CTNNA1: variants seen among roughly 807,000 people sequenced by gnomAD.
CTNNA1 encodes the protein catenin alpha-1.
CTNNA1 carries 37 observed loss-of-function variants against 98.4 expected under a neutral mutation model. The observed-to-expected ratio is 0.38, with a 90% CI of 0.29 to 0.49. CTNNA1 has a LOEUF of 0.49. Among genes scored for constraint, CTNNA1 ranks in the 20% least tolerant of loss-of-function variants. The pLI is 0.95. For missense variants in CTNNA1, 761 were observed against 1,147.2 expected, an observed-to-expected ratio of 0.66 and a Z score of 4.86; for synonymous variants, 404 against 413.2, an observed-to-expected ratio of 0.98 and a Z score of 0.27.
chr5:138,812,175 T>C lies in CTNNA1; in HGVS notation c.469-8T>C, dbSNP rs771582713. On this transcript the variant is annotated splice_polypyrimidine_tract_variant and splice_region_variant and intron_variant, in intron 4 of 17. Coordinates refer to ENST00000302763, the MANE Select transcript of CTNNA1 (RefSeq NM_001903.5). ...TTTTTGGGTTTTGGGGTCTTTCTTA[T>C]TTTATAGGTGGAAGATGGTATCTTG... 4 of 1,610,484 alleles carry C rather than the reference T, an allele frequency of 2.5e-6. No individual in the cohort carries two copies. Among genetic ancestry groups the C allele is most frequent in the African/African-American group, 1.3e-5 (1 of 74,668 alleles).
At chr5:138,875,551 C>T (rs1484881227) in intron 7 of CTNNA1, 31 of 985,280 alleles carry the variant, frequency 3.1e-5, no homozygotes, top group Non-Finnish European at 3.4e-5. Flanking sequence ...TAGGAAGCAG[C>T]AGTGAGGTTG....
intron 7 of CTNNA1, chr5:138,828,027 G>A (rs527303902): frequency 0.023 from 2,003 of 86,480 alleles, 12 homozygotes; most frequent in Non-Finnish European, 0.029. Context: ...TGTATGTATG[G>A]TATATACACA....
chr5:138,857,569 G>A (rs768022425), intron 7 of CTNNA1, among the ~76,000 whole-genome samples: 4 of 151,818 alleles, frequency 2.6e-5, no homozygotes, highest in South Asian at 2.1e-4. Flanking sequence ...CTCCCACCTC[G>A]GCCTCCCAAA....
intron 3 of CTNNA1, among the ~76,000 whole-genome samples, chr5:138,806,816 T>C (rs1758127217): frequency 6.6e-6 from 1 of 152,028 alleles, no homozygotes; most frequent in African/African-American, 2.4e-5. Flanking sequence ...GATAAGTGGT[T>C]CTACAAAGAG....
At chr5:138,815,089 G>A (rs566832058) in intron 5 of CTNNA1, among the ~76,000 whole-genome samples, 4 of 152,272 alleles carry the variant, frequency 2.6e-5, no homozygotes, top group African/African-American at 7.2e-5. Flanking sequence ...TTACTAGAAA[G>A]TAATGCTACC....
chr5:138,931,515 GACACAAGCCTCCTT>G (rs1765316264), intron 16 of CTNNA1: 4 of 836,036 alleles, frequency 4.8e-6, no homozygotes, highest in African/African-American at 1.8e-5. Context: ...GGATGTGTGA[GACACAAGCCTCCTT>G]ACACAAGCCA....
intron 9 of CTNNA1, chr5:138,887,852 G>A (rs546643172): frequency 9.2e-5 from 37 of 400,684 alleles, no homozygotes; most frequent in African/African-American, 6.7e-4. Context: ...AATACTAACA[G>A]TTCCTATCCT....
In CTNNA1 at chr5:138,931,047, T is replaced by G. The variant is rs922211397; in HGVS notation, c.2298+112T>G. ...GGCCACAGCACTTTTGCCACTCATC[T>G]CTAAAAATGGTTCTTATTAATCCCA... On this transcript the variant is annotated intron_variant, in intron 16 of 17. Coordinates refer to ENST00000302763, the MANE Select transcript of CTNNA1 (RefSeq NM_001903.5). 3 of 689,358 alleles carry G rather than the reference T, an allele frequency of 4.4e-6. No individual in the cohort carries two copies. In the African/African-American group the frequency reaches 5.3e-5, roughly 12 times the overall value. The allele number at this position is 689,358 out of a possible 1,614,324, so 42.7% of individuals were successfully genotyped here.
intron 4 of CTNNA1, among the ~76,000 whole-genome samples, chr5:138,811,544 C>T (rs1473071409): frequency 4.6e-5 from 7 of 151,320 alleles, no homozygotes; most frequent in African/African-American, 7.3e-5. Flanking sequence ...GCACTCTCGG[C>T]GCTTTGGGAG....
chr5:138,840,538 CT>C (rs1762188454), intron 7 of CTNNA1, among the ~76,000 whole-genome samples: 3 of 152,098 alleles, frequency 2.0e-5, no homozygotes, highest in South Asian at 4.1e-4. Context: ...GTAGGCTTTA[CT>C]TTTTGGCAAA....
chr5:138,762,643 T>G (rs1307572794), intron 1 of CTNNA1, among the ~76,000 whole-genome samples: 1 of 149,536 alleles, frequency 6.7e-6, no homozygotes, highest in Non-Finnish European at 1.5e-5. Context: ...AATTTGTGGT[T>G]TTTTTTTTTT....
At chr5:138,799,620 G>A (rs1470222492) in intron 3 of CTNNA1, among the ~76,000 whole-genome samples, 1 of 149,816 alleles carries the variant, frequency 6.7e-6, no homozygotes, top group East Asian at 1.9e-4. Flanking sequence ...GTTAGTCTTA[G>A]TGTCATTTTT....
In CTNNA1 at chr5:138,753,450, A is replaced by G. The variant is rs900084353; in HGVS notation, c.-63A>G. ...CTCCTCCTAGCCGGACTGGAGGGAG[A>G]CAAAGCAGCGCCCGTCTGCTTCGGG... On this transcript the variant is annotated 5_prime_UTR_variant, in exon 1 of 18. Transcript: ENST00000302763. The G allele has an allele frequency of 1.1e-5, 4 of 372,332 alleles. No individual in the cohort carries two copies. Among genetic ancestry groups the G allele is most frequent in the African/African-American group, 6.5e-5 (3 of 45,922 alleles). 23.1% of individuals were successfully genotyped at this position (372,332 alleles called of 1,614,324 possible).
chr5:138,866,416 TG>T (rs1460418547), intron 7 of CTNNA1, among the ~76,000 whole-genome samples: 1 of 152,052 alleles, frequency 6.6e-6, no homozygotes, highest in African/African-American at 2.4e-5. Context: ...ATGTTTATGA[TG>T]TTTTTACACC....
rs773003463 is a variant in CTNNA1, at chr5:138,887,538, A to C, written c.1192A>C (p.Asn398His). 25 of 1,611,558 alleles carry C rather than the reference A, an allele frequency of 1.6e-5. No homozygotes were observed. The highest frequency in any genetic ancestry group is 2.0e-5 in the Non-Finnish European group (23 of 1,178,634). ...DHVSDSFLET[N>H]VPLLVLIEAA... ...CGTTTCAGATTCTTTCCTGGAAACC[A>C]ATGTTCCACTTTTGGTATTGATTGA... The change falls in exon 9 of 18, where the codon AAT becomes CAT. Residue 398 changes from asparagine (N) to histidine (H), a missense_variant. By Grantham distance (68) the Asn-to-His change is moderately conservative. This residue lies in a region of CTNNA1 where 287 missense variants were observed against 436.0 expected (regional missense o/e 0.66). Transcript: ENST00000302763.
chr5:138,876,750 A>G (rs1419248245), intron 7 of CTNNA1, among the ~76,000 whole-genome samples: 1 of 151,968 alleles, frequency 6.6e-6, no homozygotes, highest in African/African-American at 2.4e-5. Flanking sequence ...CTTGGGTAAA[A>G]TTTTTCTGTT....
chr5:138,794,319 T>C (rs1756696917), intron 3 of CTNNA1, among the ~76,000 whole-genome samples: 1 of 152,080 alleles, frequency 6.6e-6, no homozygotes, highest in African/African-American at 2.4e-5. Context: ...GCCTGGCCTC[T>C]TTTCTTTCAA....
intron 4 of CTNNA1, among the ~76,000 whole-genome samples, chr5:138,811,474 G>A (rs1409101030): frequency 4.7e-4 from 2 of 4,218 alleles, no homozygotes; most frequent in South Asian, 0.01. Context: ...CCCAGACGAT[G>A]GGTGGCCAGG....
intron 10 of CTNNA1, among the ~76,000 whole-genome samples, chr5:138,916,579 G>A (rs529662507): frequency 6.6e-6 from 1 of 151,716 alleles, no homozygotes; most frequent in South Asian, 2.1e-4. Context: ...CTGGAGTGCA[G>A]TGGTGTGATC....
Sources: allele counts gnomAD v4.1 joint callset (sites outside exome capture counted in the v4.1 genomes callset), GRCh38; gene constraint gnomAD v4.1.1; regional missense constraint gnomAD v4.1.1; transcripts MANE v1.5; gene names NCBI Gene and HGNC (gene_info 2026-07-23, HGNC 2026-07-21).